SAMMSON: variants seen among roughly 807,000 people sequenced by gnomAD.
SAMMSON encodes survival associated mitochondrial melanoma specific oncogenic non-coding RNA.
chr3:70,024,028 C>T (rs1361237734), intron 3 of SAMMSON, among the ~76,000 whole-genome samples: 1 of 152,074 alleles, frequency 6.6e-6, no homozygotes, highest in Non-Finnish European at 1.5e-5. Flanking sequence ...ATCATGGTTA[C>T]CCAAACTGGT....
At chr3:70,313,518 G>A (rs1315190582) in intron 7 of SAMMSON, among the ~76,000 whole-genome samples, 1 of 151,530 alleles carries the variant, frequency 6.6e-6, no homozygotes, top group Non-Finnish European at 1.5e-5. Flanking sequence ...GGATAATACT[G>A]TTTTCAATGG....
intron 4 of SAMMSON, among the ~76,000 whole-genome samples, chr3:70,109,687 A>G (rs774821515): frequency 6.6e-6 from 1 of 152,318 alleles, no homozygotes; most frequent in East Asian, 1.9e-4. Context: ...AGATGAAGAA[A>G]AGATTGTGTG....
chr3:70,224,658 C>T (rs951888735), intron 4 of SAMMSON, among the ~76,000 whole-genome samples: 2 of 152,122 alleles, frequency 1.3e-5, no homozygotes, highest in Non-Finnish European at 2.9e-5. Context: ...TCCTGCAATA[C>T]TTGGGAATCC....
intron 9 of SAMMSON, among the ~76,000 whole-genome samples, chr3:70,361,653 A>G (rs1208903947): frequency 1.3e-5 from 2 of 152,226 alleles, no homozygotes; most frequent in Non-Finnish European, 2.9e-5. Flanking sequence ...TAGGTACTAT[A>G]TAAATACAAA....
At chr3:70,113,389 T>C (rs1049020750) in intron 4 of SAMMSON, among the ~76,000 whole-genome samples, 6 of 152,204 alleles carry the variant, frequency 3.9e-5, no homozygotes, top group Admixed American at 6.5e-5. Flanking sequence ...TTCATGTGAC[T>C]GCACATAAAC....
intron 4 of SAMMSON, among the ~76,000 whole-genome samples, chr3:70,142,367 T>C (rs2067531232): frequency 6.6e-6 from 1 of 152,174 alleles, no homozygotes; most frequent in African/African-American, 2.4e-5. Context: ...TAAAAAGGAA[T>C]GAATGAATGG....
chr3:70,408,641 A>G (rs954791871), intron 2 of SAMMSON, among the ~76,000 whole-genome samples: 2 of 152,064 alleles, frequency 1.3e-5, no homozygotes, highest in African/African-American at 4.8e-5. Context: ...CCATATCACT[A>G]TCAGGGTTTT....
chr3:70,391,787 T>G (rs373171297), downstream of SAMMSON, among the ~76,000 whole-genome samples: 7 of 152,292 alleles, frequency 4.6e-5, no homozygotes, highest in East Asian at 1.3e-3. Context: ...TTAAACTTGC[T>G]CTTTATTTTC....
intron 4 of SAMMSON, chr3:70,126,228 T>C: frequency 9.3e-7 from 1 of 1,074,376 alleles, no homozygotes; most frequent in Non-Finnish European, 1.4e-6. Context: ...TTTCTTTTCT[T>C]TATCGTCTTC....
At chr3:70,190,483 AG>A (rs1182139894) in intron 4 of SAMMSON, among the ~76,000 whole-genome samples, 1 of 152,210 alleles carries the variant, frequency 6.6e-6, no homozygotes, top group Non-Finnish European at 1.5e-5. Context: ...GGTCACTACT[AG>A]GTCTTACCTG....
intron 3 of SAMMSON, among the ~76,000 whole-genome samples, chr3:70,027,909 CA>C (rs1320558693): frequency 6.6e-6 from 1 of 152,142 alleles, no homozygotes; most frequent in East Asian, 1.9e-4. Flanking sequence ...GAAGACATCT[CA>C]AAGCCGTTTT....
chr3:70,290,868 G>A (rs1005644262), intron 6 of SAMMSON, among the ~76,000 whole-genome samples: 11 of 152,142 alleles, frequency 7.2e-5, no homozygotes, highest in Non-Finnish European at 1.3e-4. Context: ...AAGGGAACTC[G>A]CTGACCCCTT....
chr3:70,293,638 C>A (rs1376956362), intron 7 of SAMMSON, among the ~76,000 whole-genome samples: 1 of 152,028 alleles, frequency 6.6e-6, no homozygotes. Flanking sequence ...CCAAATAAGA[C>A]ATTTTTTTGT....
intron 7 of SAMMSON, among the ~76,000 whole-genome samples, chr3:70,317,520 C>A (rs961194808): frequency 6.6e-6 from 1 of 151,622 alleles, no homozygotes; most frequent in African/African-American, 2.4e-5. Context: ...GTGTGACTTA[C>A]TTTATTGTGA....
intron 4 of SAMMSON, among the ~76,000 whole-genome samples, chr3:70,114,230 T>C (rs2067401108): frequency 6.6e-6 from 1 of 152,130 alleles, no homozygotes; most frequent in African/African-American, 2.4e-5. Context: ...TATGTGTGTT[T>C]ATAATGAGAA....
At chr3:70,242,865 T>A (rs927828154) in intron 4 of SAMMSON, among the ~76,000 whole-genome samples, 1 of 152,022 alleles carries the variant, frequency 6.6e-6, no homozygotes, top group Admixed American at 6.6e-5. Flanking sequence ...AAAAAGCAAA[T>A]GTCTTGGCCA....
chr3:70,091,915 G>C (rs760124756), intron 4 of SAMMSON, among the ~76,000 whole-genome samples: 21 of 152,142 alleles, frequency 1.4e-4, no homozygotes, highest in Non-Finnish European at 2.6e-4. Context: ...CTACATTTTG[G>C]AACCCCTGTC....
intron 3 of SAMMSON, among the ~76,000 whole-genome samples, chr3:70,016,843 A>G (rs1388542661): frequency 6.6e-6 from 1 of 152,158 alleles, no homozygotes; most frequent in Non-Finnish European, 1.5e-5. Context: ...TTAAATAGGG[A>G]ATCCTTTCCC....
At chr3:70,254,177 A>G (rs1701794422) in intron 6 of SAMMSON, among the ~76,000 whole-genome samples, 1 of 152,128 alleles carries the variant, frequency 6.6e-6, no homozygotes, top group Non-Finnish European at 1.5e-5. Context: ...GCTAACTAGT[A>G]ATGATAAAAC....
Sources: allele counts gnomAD v4.1 joint callset (sites outside exome capture counted in the v4.1 genomes callset), GRCh38; gene constraint gnomAD v4.1.1; transcripts MANE v1.5; gene names NCBI Gene and HGNC (gene_info 2026-07-23, HGNC 2026-07-21).